Variants in KCNN3 observed in about 807,000 individuals in gnomAD.
The protein encoded by KCNN3 is potassium calcium-activated channel subfamily N member 3.
KCNN3 carries 16 observed loss-of-function variants against 62.9 expected under a neutral mutation model. The ratio of observed to expected loss-of-function variants is 0.25; its 90% confidence interval spans 0.17 to 0.39. The LOEUF is 0.39. Ranked by LOEUF, KCNN3 falls within the 10% of genes least tolerant of loss-of-function variation. The pLI is 1.00. For synonymous variants in KCNN3, 370 were observed against 389.2 expected (o/e 0.95, Z 0.58); for missense variants, 599 against 949.4 (o/e 0.63, Z 4.85).
Position 154,869,734 on chromosome 1 carries a change from C to T in KCNN3, c.231G>A (p.Gln77=). 6.6e-7 allele frequency: 1 copy of T among 1,525,028 alleles called. No individual in the cohort carries two copies. The highest frequency in any genetic ancestry group is 8.8e-7 in the Non-Finnish European group (1 of 1,130,984). The allele number at this position is 1,525,028 out of a possible 1,614,324, so 94.5% of individuals were successfully genotyped here. The change falls in exon 1 of 8, where the codon CAG becomes CAA. Residue 77 remains glutamine (Q), a synonymous_variant. Coordinates refer to ENST00000271915, the MANE Select transcript of KCNN3 (RefSeq NM_002249.6). This position sits in a 1 kb window ranked among gnomAD's most constrained non-coding sequence, Gnocchi z 6.1. The part of the protein sequence containing the change: ...QQQQQQQQQQ[Q]QQQPPHPLSQ... ...ACAGGGGATGCGGTGGCTGCTGCTG[C>T]TGCTGCTGCTGCTGCTGCTGCTGCT...
At chr1:154,845,772 C>A (rs1652031507) in intron 1 of KCNN3, among the ~76,000 whole-genome samples, 1 of 152,190 alleles carries the variant, frequency 6.6e-6, no homozygotes, top group African/African-American at 2.4e-5. Context: ...GGAGCCTCCT[C>A]CTCTAGACAG....
At chr1:154,795,135 G>A (rs571954344) in intron 2 of KCNN3, among the ~76,000 whole-genome samples, 39 of 152,238 alleles carry the variant, frequency 2.6e-4, no homozygotes, top group African/African-American at 8.7e-4. Flanking sequence ...ACATCCTAAC[G>A]TGCCCAGGAA....
chr1:154,811,913 T>C (rs879280183), intron 2 of KCNN3, among the ~76,000 whole-genome samples: 11 of 152,224 alleles, frequency 7.2e-5, no homozygotes, highest in Admixed American at 5.2e-4. Context: ...AGTCCTACTA[T>C]GCACAGTGCT....
At chr1:154,788,939 C>T (rs1649398371) in intron 2 of KCNN3, among the ~76,000 whole-genome samples, 1 of 152,214 alleles carries the variant, frequency 6.6e-6, no homozygotes, top group African/African-American at 2.4e-5. Flanking sequence ...AAGTGGTTTA[C>T]TCAGACCCAG....
chr1:154,814,797 C>T (rs541099488), intron 2 of KCNN3, among the ~76,000 whole-genome samples: 12 of 152,352 alleles, frequency 7.9e-5, no homozygotes, highest in Non-Finnish European at 1.6e-4. Flanking sequence ...GCTCCTCTCT[C>T]TATTTCTCCC....
chr1:154,854,299 G>A (rs1652430191), intron 1 of KCNN3, among the ~76,000 whole-genome samples: 1 of 152,114 alleles, frequency 6.6e-6, no homozygotes, highest in Non-Finnish European at 1.5e-5. Context: ...TCTCCTCTCA[G>A]AAGCCCCTGC....
chr1:154,868,395 A>T, intron 1 of KCNN3: 2 of 984,656 alleles, frequency 2.0e-6, no homozygotes, highest in East Asian at 1.1e-4. Context: ...CAGGTCATGG[A>T]TGGTTTTCTA....
At chr1:154,746,122 T>G (rs1313130397) in intron 3 of KCNN3, among the ~76,000 whole-genome samples, 1 of 152,186 alleles carries the variant, frequency 6.6e-6, no homozygotes, top group Non-Finnish European at 1.5e-5. Context: ...GTAAATGAGT[T>G]CATTTGGTCA....
intron 1 of KCNN3, among the ~76,000 whole-genome samples, chr1:154,843,794 G>A (rs1467618952): frequency 2.0e-5 from 3 of 152,290 alleles, no homozygotes; most frequent in African/African-American, 4.8e-5. Context: ...AATTCCAGAC[G>A]GCACTTAACG....
At chr1:154,746,967 A>G (rs1571233829) in intron 3 of KCNN3, among the ~76,000 whole-genome samples, 1 of 152,144 alleles carries the variant, frequency 6.6e-6, no homozygotes, top group African/African-American at 2.4e-5. Context: ...CAGGTAAACT[A>G]AGCTCAACCG....
intron 3 of KCNN3, among the ~76,000 whole-genome samples, chr1:154,734,857 A>G (rs943158614): frequency 6.6e-6 from 1 of 152,234 alleles, no homozygotes; most frequent in African/African-American, 2.4e-5. Context: ...CTAAGGACAC[A>G]CAGGAAGCAA....
chr1:154,861,151 C>T (rs867124614), intron 1 of KCNN3, among the ~76,000 whole-genome samples: 1 of 151,966 alleles, frequency 6.6e-6, no homozygotes, highest in East Asian at 1.9e-4. Context: ...GATGAGGTTT[C>T]GCCATGTTGG....
At chr1:154,836,349 G>GC (rs1004807851) in intron 1 of KCNN3, among the ~76,000 whole-genome samples, 3 of 152,148 alleles carry the variant, frequency 2.0e-5, no homozygotes, top group African/African-American at 4.8e-5. Context: ...TTGGGCTCCT[G>GC]CCCCCCGTCT....
At chr1:154,724,018 G>T (rs1242737419) in intron 5 of KCNN3, among the ~76,000 whole-genome samples, 1 of 152,088 alleles carries the variant, frequency 6.6e-6, no homozygotes, top group African/African-American at 2.4e-5. Context: ...GCTTTTTTTG[G>T]TGCAGCTGAT....
chr1:154,851,668 A>T lies in KCNN3; in HGVS notation c.933+17364T>A, dbSNP rs529634997. Among the ~76,000 whole-genome samples, 27 of 152,262 alleles carry T rather than the reference A, an allele frequency of 1.8e-4. No individual in the cohort carries two copies. In the South Asian group the frequency reaches 2.7e-3, roughly 15 times the overall value. On this transcript the variant is annotated intron_variant, in intron 1 of 7. Coordinates refer to ENST00000271915, the MANE Select transcript of KCNN3 (RefSeq NM_002249.6). ...CATCAGGAATGCCCTCCTTTTAAAT[A>T]GCCCAAGGGTCCAGCCACTTTTTAC...
Position 154,822,366 on chromosome 1 carries a change from C to A in KCNN3, c.934-182G>T, listed in dbSNP as rs116680094. ...ACAAAAGCCTTGGGCTGTGCCCGGGCCGGCTCTGTCTCAGCAGCTGCCCCC... is the reference window on the plus strand; with the variant it reads ...ACAAAAGCCTTGGGCTGTGCCCGGGACGGCTCTGTCTCAGCAGCTGCCCCC... On this transcript the variant is annotated intron_variant, in intron 1 of 7. Coordinates refer to ENST00000271915, the MANE Select transcript of KCNN3 (RefSeq NM_002249.6). 7.4e-3 allele frequency among the ~76,000 whole-genome samples: 1,128 copies of A among 152,338 alleles called. 10 individuals are homozygous for A. The highest frequency in any genetic ancestry group is 0.026 in the African/African-American group (1,075 of 41,584).
intron 1 of KCNN3, among the ~76,000 whole-genome samples, chr1:154,828,797 G>T (rs1651257547): frequency 6.6e-6 from 1 of 152,230 alleles, no homozygotes; most frequent in Non-Finnish European, 1.5e-5. Context: ...GGTAAATGCA[G>T]CTGATCCTCA....
At chr1:154,800,105 T>C (rs972501225) in intron 2 of KCNN3, among the ~76,000 whole-genome samples, 1 of 152,244 alleles carries the variant, frequency 6.6e-6, no homozygotes, top group Non-Finnish European at 1.5e-5. Context: ...TTTTCTTATT[T>C]TGGATCCCAA....
chr1:154,756,712 T>C (rs570779136), intron 3 of KCNN3, among the ~76,000 whole-genome samples: 2 of 152,324 alleles, frequency 1.3e-5, no homozygotes, highest in Admixed American at 6.5e-5. Flanking sequence ...CCATAAATTT[T>C]TTTTTAAAAA....
Sources: allele counts gnomAD v4.1 joint callset (sites outside exome capture counted in the v4.1 genomes callset), GRCh38; gene constraint gnomAD v4.1.1; non-coding constraint Gnocchi (gnomAD v3.1); transcripts MANE v1.5; gene names NCBI Gene and HGNC (gene_info 2026-07-23, HGNC 2026-07-21).